Variants in IDNK observed in about 807,000 individuals in gnomAD.
IDNK encodes gluconokinase.
A neutral mutation model predicts 13.0 loss-of-function variants in IDNK; 9 were observed. The ratio of observed to expected loss-of-function variants is 0.69; its 90% CI spans 0.42 to 1.21. The LOEUF (loss-of-function observed/expected upper bound fraction) is 1.21, where lower values mean the gene tolerates loss of function less well. Among genes scored for constraint, IDNK ranks in the 50% most tolerant of loss-of-function variants. The pLI is 0.00. For missense variants in IDNK, 210 were observed against 237.8 expected (o/e 0.88, Z 0.77); for synonymous variants, 92 against 94.9 (o/e 0.97, Z 0.18).
chr9:83,626,506 T>C (rs756270390), intron 1 of IDNK: 9 of 402,616 alleles, frequency 2.2e-5, no homozygotes, highest in Non-Finnish European at 3.0e-5. Flanking sequence ...AACCTCTGCC[T>C]CCTGAGTTCA....
rs1831386550 is a variant in IDNK at position 83,643,866 on chromosome 9, C to G, written c.*86C>G. On this transcript the variant is annotated 3_prime_UTR_variant, in exon 5 of 5. Coordinates refer to ENST00000376419, the MANE Select transcript of IDNK (RefSeq NM_001001551.4). Reference sequence around the variant, plus strand: ...CCTCGTTCCAGCCGCCTTGCCCATACTAGATTCTAAATGTTTCTAAAGGCA... The same window carrying G: ...CCTCGTTCCAGCCGCCTTGCCCATAGTAGATTCTAAATGTTTCTAAAGGCA... The G allele has an allele frequency of 1.0e-6, 1 of 974,668 alleles. No homozygotes were observed. The highest frequency in any genetic ancestry group is 1.6e-5 in the African/African-American group (1 of 60,738). The allele number at this position is 974,668 out of a possible 1,614,324, so 60.4% of individuals were successfully genotyped here.
intron 4 of IDNK, among the ~76,000 whole-genome samples, chr9:83,641,968 G>GT (rs1309462717): frequency 6.6e-6 from 1 of 152,216 alleles, no homozygotes; most frequent in Non-Finnish European, 1.5e-5. Flanking sequence ...CTGATACATA[G>GT]TAAGTGCTCA....
At chr9:83,638,209 G>C (rs1308903297) in intron 3 of IDNK, among the ~76,000 whole-genome samples, 2 of 152,128 alleles carry the variant, frequency 1.3e-5, no homozygotes, top group Non-Finnish European at 2.9e-5. Flanking sequence ...CTAATGGTAA[G>C]ATGTTGTTCT....
At chr9:83,629,100 C>T in intron 3 of IDNK, 141 bp downstream of exon 3, 4 of 700,732 alleles carry the variant, frequency 5.7e-6, no homozygotes, top group Non-Finnish European at 1.0e-5. Flanking sequence ...CCAGTAGATC[C>T]TCTACATATG....
At chr9:83,628,040 C>T in intron 1 of IDNK, 141 bp from the exon 2 acceptor site, 1 of 1,475,938 alleles carries the variant, frequency 6.8e-7, no homozygotes. Flanking sequence ...CGGTCACGGG[C>T]ATCACTGCTT....
chr9:83,625,338 G>A (rs1205326104), intron 1 of IDNK, among the ~76,000 whole-genome samples: 2 of 152,180 alleles, frequency 1.3e-5, no homozygotes, highest in Admixed American at 6.5e-5. Flanking sequence ...TGACTTGGAC[G>A]AGCCAATTAG....
chr9:83,641,626 C>T, intron 4 of IDNK, 35 bp downstream of exon 4: 1 of 1,605,336 alleles, frequency 6.2e-7, no homozygotes, highest in African/African-American at 1.3e-5. Context: ...TAAGCCAAAG[C>T]CAGCAGGTAA....
Position 83,626,100 on chromosome 9 carries a change from C to T in IDNK, c.51-2081C>T, listed in dbSNP as rs12685410. Among the ~76,000 whole-genome samples, 4 of 152,188 alleles carry T rather than the reference C, an allele frequency of 2.6e-5. No homozygotes were observed. The East Asian group carries it at 7.7e-4, about 29-fold the overall frequency. Reference sequence around the variant, plus strand: ...CATTGATTCTGCATCCCTTCCTTCTCCCCCATTGGTCTGTGTTGTCTTTTT... The same window carrying T: ...CATTGATTCTGCATCCCTTCCTTCTTCCCCATTGGTCTGTGTTGTCTTTTT... On this transcript the variant is annotated intron_variant, in intron 1 of 4. Transcript: ENST00000376419.
intron 3 of IDNK, among the ~76,000 whole-genome samples, chr9:83,635,949 C>T (rs1158749937): frequency 6.6e-6 from 1 of 152,184 alleles, no homozygotes; most frequent in Non-Finnish European, 1.5e-5. Flanking sequence ...AGTAGAACCT[C>T]CTGCTAATGT....
chr9:83,640,644 C>A (rs1438109323), intron 3 of IDNK, among the ~76,000 whole-genome samples: 2 of 152,174 alleles, frequency 1.3e-5, no homozygotes. Flanking sequence ...GAGTTCGAGA[C>A]CAGCCTGACC....
chr9:83,638,103 G>GA (rs962904275), intron 3 of IDNK, among the ~76,000 whole-genome samples: 77 of 144,220 alleles, frequency 5.3e-4, no homozygotes, highest in Admixed American at 7.6e-4. Flanking sequence ...TCCCACAAAG[G>GA]AAAAAAAAAA....
rs968550852 is a variant in IDNK, at chr9:83,634,518, C to A, written c.168+5559C>A. ...TGTACACAAGATAGAAAACTTATTACCCAAATATGTTTTCTGTAATTTTTG... is the reference window on the plus strand; with the variant it reads ...TGTACACAAGATAGAAAACTTATTAACCAAATATGTTTTCTGTAATTTTTG... On this transcript the variant is annotated intron_variant, in intron 3 of 4. Transcript: ENST00000376419. Among the ~76,000 whole-genome samples the A allele has an allele frequency of 2.0e-5, 3 of 152,160 alleles. 1 individual carries two copies. In the South Asian group the frequency reaches 6.2e-4, roughly 32 times the overall value.
At chr9:83,635,540 C>A (rs1375089410) in intron 3 of IDNK, among the ~76,000 whole-genome samples, 1 of 152,230 alleles carries the variant, frequency 6.6e-6, no homozygotes, top group Non-Finnish European at 1.5e-5. Flanking sequence ...CCCAGCCTGC[C>A]TGGGACAGAC....
chr9:83,639,775 A>G (rs975968154), intron 3 of IDNK, among the ~76,000 whole-genome samples: 2 of 152,240 alleles, frequency 1.3e-5, no homozygotes, highest in Non-Finnish European at 2.9e-5. Flanking sequence ...CATTTGGCTT[A>G]AGCAGCAGAA....
At chr9:83,624,821 C>G (rs1830805173) in intron 1 of IDNK, among the ~76,000 whole-genome samples, 1 of 152,098 alleles carries the variant, frequency 6.6e-6, no homozygotes, top group African/African-American at 2.4e-5. Context: ...TCAAGCAATT[C>G]TCCTGCCTCA....
At chr9:83,628,160 A>G in intron 1 of IDNK, 21 bp from the exon 2 acceptor site, 2 of 1,550,478 alleles carry the variant, frequency 1.3e-6, no homozygotes, top group Admixed American at 2.0e-5. Context: ...AGTAACGGGA[A>G]CATCTGTGTC....
In IDNK at chr9:83,628,162, A is replaced by G; in HGVS notation, c.51-19A>G. On this transcript the variant is annotated intron_variant, in intron 1 of 4. Transcript: ENST00000376419. ...CATTGGGCAGGGCAGTAACGGGAACATCTGTGTCCTCTCCACAGATCCACC... is the reference window on the plus strand; with the variant it reads ...CATTGGGCAGGGCAGTAACGGGAACGTCTGTGTCCTCTCCACAGATCCACC... The G allele has an allele frequency of 6.4e-7, 1 of 1,550,534 alleles. No homozygotes were observed.
Position 83,641,454 on chromosome 9 carries a change from A to C in IDNK, c.169-94A>C, listed in dbSNP as rs1831305071. The C allele has an allele frequency of 2.1e-6, 3 of 1,417,336 alleles. No homozygotes were observed. The Admixed American group carries it at 5.1e-5, about 24-fold the overall frequency. 87.8% of individuals were successfully genotyped at this position (1,417,336 alleles called of 1,614,324 possible). A position where few individuals can be genotyped will look rare whatever the true frequency, so the allele number is the denominator to read the frequency against. On this transcript the variant is annotated intron_variant, in intron 3 of 4. Transcript: ENST00000376419. ...CACCACTGAGCTCTCGCTGGACCTTAACATTTGTGAACATGATATAACTGT... is the reference window on the plus strand; with the variant it reads ...CACCACTGAGCTCTCGCTGGACCTTCACATTTGTGAACATGATATAACTGT...
At chr9:83,633,619 G>C (rs1242067845) in intron 3 of IDNK, among the ~76,000 whole-genome samples, 1 of 152,174 alleles carries the variant, frequency 6.6e-6, no homozygotes, top group East Asian at 1.9e-4. Context: ...TTGGAAATAA[G>C]TACTGTTTAT....
Sources: allele counts gnomAD v4.1 joint callset (sites outside exome capture counted in the v4.1 genomes callset), GRCh38; gene constraint gnomAD v4.1.1; transcripts MANE v1.5; gene names NCBI Gene and HGNC (gene_info 2026-07-23, HGNC 2026-07-21).